The following CSMD3 variants were observed in gnomAD, a reference collection of about 807,000 sequenced individuals.
CSMD3 encodes the protein CUB and sushi domain-containing protein 3.
CSMD3 carries 177 observed loss-of-function variants against 435.2 expected under a neutral mutation model. That is an observed-to-expected ratio of 0.41 (90% confidence interval 0.36 to 0.46). The LOEUF is 0.46. CSMD3 is among the 20% of genes least tolerant of loss of function. The pLI is 0.34. For synonymous variants in CSMD3, 1,656 were observed against 1,520.5 expected (o/e 1.09, Z -2.07); for missense variants, 4,265 against 4,504.6 (o/e 0.95, Z 1.52).
At chr8:113,095,301 ACT>A (rs1016874444) in intron 5 of CSMD3, among the ~76,000 whole-genome samples, 6 of 151,778 alleles carry the variant, frequency 4.0e-5, no homozygotes, top group African/African-American at 1.5e-4. Flanking sequence ...GGAGAAAAAA[ACT>A]CTTCCCTTGC....
chr8:112,684,420 G>A (rs1281026426), intron 15 of CSMD3, among the ~76,000 whole-genome samples: 1 of 152,036 alleles, frequency 6.6e-6, no homozygotes, highest in East Asian at 1.9e-4. Flanking sequence ...TGGGAGTGAA[G>A]TGTGAAATTC....
At position 112,780,732 on chromosome 8, in the gene CSMD3, G is replaced by A. The variant is rs115513525; in HGVS notation, c.1972+19430C>T. Among the ~76,000 whole-genome samples the A allele has an allele frequency of 8.2e-3, 1,245 of 152,112 alleles. 17 individuals are homozygous for A. Among genetic ancestry groups the A allele is most frequent in the African/African-American group, 0.029 (1,194 of 41,518 alleles). ...CCTGTCAGAGTGGAAAGCAACATAG[G>A]GCAGAATTCAGCTGGTGTCCATGGA... is the stretch of plus-strand genomic sequence containing the variant. On this transcript the variant is annotated intron_variant, in intron 13 of 70. Coordinates refer to ENST00000297405, the MANE Select transcript of CSMD3 (RefSeq NM_198123.2).
chr8:112,685,969 A>G (rs573721507), intron 14 of CSMD3, among the ~76,000 whole-genome samples: 1 of 132,372 alleles, frequency 7.6e-6, no homozygotes, highest in Admixed American at 7.4e-5. Context: ...AATTGGAATA[A>G]TAGCAATTTT....
chr8:113,338,064 T>C (rs1055408565), intron 1 of CSMD3, among the ~76,000 whole-genome samples: 2 of 151,890 alleles, frequency 1.3e-5, no homozygotes, highest in Non-Finnish European at 2.9e-5. Flanking sequence ...ATTCAAAATA[T>C]ATAAATAACT....
intron 54 of CSMD3, among the ~76,000 whole-genome samples, chr8:112,295,598 T>G (rs77977170): frequency 6.6e-6 from 1 of 151,390 alleles, no homozygotes; most frequent in Non-Finnish European, 1.5e-5. Flanking sequence ...ATATTTATAT[T>G]AAATATGAGA....
intron 6 of CSMD3, among the ~76,000 whole-genome samples, chr8:113,001,598 T>C (rs1211344741): frequency 6.6e-6 from 1 of 152,128 alleles, no homozygotes; most frequent in Admixed American, 6.6e-5. Flanking sequence ...TTCCATTTTT[T>C]CCTTTATAGC....
intron 1 of CSMD3, among the ~76,000 whole-genome samples, chr8:113,381,657 A>C (rs891609159): frequency 1.3e-5 from 2 of 152,164 alleles, no homozygotes; most frequent in Non-Finnish European, 2.9e-5. Context: ...CAAAAGGTAC[A>C]TGTCCCTTGC....
intron 13 of CSMD3, among the ~76,000 whole-genome samples, chr8:112,789,730 T>C (rs1343189110): frequency 6.6e-6 from 1 of 152,030 alleles, no homozygotes; most frequent in East Asian, 1.9e-4. Context: ...ATCATAATTT[T>C]AGGATTTTCT....
intron 10 of CSMD3, among the ~76,000 whole-genome samples, chr8:112,886,639 G>C (rs1358661418): frequency 6.6e-6 from 1 of 150,932 alleles, no homozygotes; most frequent in East Asian, 2.0e-4. Flanking sequence ...ATAATTTAGA[G>C]CAAAACAACA....
chr8:113,315,263 C>T (rs755251314), intron 1 of CSMD3, among the ~76,000 whole-genome samples: 5 of 152,232 alleles, frequency 3.3e-5, no homozygotes, highest in African/African-American at 7.2e-5. Flanking sequence ...GATCTCTACC[C>T]TGTAGCTCAC....
At chr8:112,991,937 T>G (rs533200020) in intron 6 of CSMD3, among the ~76,000 whole-genome samples, 1 of 151,984 alleles carries the variant, frequency 6.6e-6, no homozygotes, top group African/African-American at 2.4e-5. Flanking sequence ...CAATCAGTGT[T>G]AATTTAATTA....
At chr8:112,780,503 C>T (rs758429885) in intron 13 of CSMD3, among the ~76,000 whole-genome samples, 1 of 151,896 alleles carries the variant, frequency 6.6e-6, no homozygotes, top group Non-Finnish European at 1.5e-5. Context: ...TCTGTAAGAA[C>T]CAAAAATCAG....
chr8:113,297,058 T>A (rs992612328), intron 2 of CSMD3, among the ~76,000 whole-genome samples: 1 of 152,172 alleles, frequency 6.6e-6, no homozygotes, highest in African/African-American at 2.4e-5. Flanking sequence ...AAGAAAAGTA[T>A]ATCAATGCTT....
At chr8:113,146,353 G>T (rs2091672877) in intron 4 of CSMD3, among the ~76,000 whole-genome samples, 1 of 151,394 alleles carries the variant, frequency 6.6e-6, no homozygotes, top group Admixed American at 6.6e-5. Flanking sequence ...CCTGGATTTT[G>T]CATTTCATTA....
intron 10 of CSMD3, among the ~76,000 whole-genome samples, chr8:112,899,384 T>A (rs888486131): frequency 4.0e-5 from 6 of 150,274 alleles, no homozygotes; most frequent in African/African-American, 1.5e-4. Context: ...AAAATAATAA[T>A]CAGATTGGCC....
chr8:113,152,985 C>G (rs889329961), intron 4 of CSMD3, among the ~76,000 whole-genome samples: 2 of 80,424 alleles, frequency 2.5e-5, no homozygotes, highest in South Asian at 3.8e-4. Context: ...GAAAAGAAAA[C>G]AAAACAAAAC....
chr8:112,286,461 C>T (rs1211611766), intron 58 of CSMD3, among the ~76,000 whole-genome samples: 1 of 152,112 alleles, frequency 6.6e-6, no homozygotes, highest in African/African-American at 2.4e-5. Context: ...ATGATATCCA[C>T]TCGTCAGTCA....
rs2129857046 is a variant in CSMD3 at position 112,859,164 on chromosome 8, G to A, written c.1736C>T (p.Thr579Ile). 4.3e-6 allele frequency: 7 copies of A among 1,610,696 alleles called. No individual in the cohort carries two copies. The highest frequency in any genetic ancestry group is 5.1e-6 in the Non-Finnish European group (6 of 1,177,412). ...DSNAQCVWVI[T>I]AVNTNKVIQI... ...TCTTACCTTATTTGTATTCACTGCT[G>A]TGATGACCCAGACACATTGTGCATT... Residue 579 changes from threonine (T) to isoleucine (I), a missense_variant, in exon 11 of 71, where the codon ACA (threonine) becomes ATA (isoleucine). Transcript: ENST00000297405.
At chr8:113,243,944 C>T (rs1482527551) in intron 3 of CSMD3, among the ~76,000 whole-genome samples, 7 of 152,050 alleles carry the variant, frequency 4.6e-5, no homozygotes, top group Non-Finnish European at 1.0e-4. Flanking sequence ...CATATTTAAA[C>T]TGATTTATTT....
Sources: allele counts gnomAD v4.1 joint callset (sites outside exome capture counted in the v4.1 genomes callset), GRCh38; gene constraint gnomAD v4.1.1; transcripts MANE v1.5; gene names NCBI Gene and HGNC (gene_info 2026-07-23, HGNC 2026-07-21).